The following SSBP3 variants were observed in gnomAD, a reference collection of about 807,000 sequenced individuals.
SSBP3 encodes single stranded DNA binding protein 3.
A neutral mutation model predicts 69.6 loss-of-function variants in SSBP3; 5 were observed. That is an observed-to-expected ratio of 0.07 (90% CI 0.04 to 0.15). The LOEUF (loss-of-function observed/expected upper bound fraction) is 0.15. Among genes scored for constraint, SSBP3 ranks in the 10% least tolerant of loss-of-function variants. SSBP3 has a pLI of 1.00. For missense variants in SSBP3, 312 were observed against 534.0 expected, an observed-to-expected ratio of 0.58 and a Z score of 4.10; for synonymous variants, 196 against 193.4, an observed-to-expected ratio of 1.01 and a Z score of -0.11.
At chr1:54,348,411 C>G (rs902248024) in intron 4 of SSBP3, among the ~76,000 whole-genome samples, 14 of 152,256 alleles carry the variant, frequency 9.2e-5, no homozygotes, top group African/African-American at 3.4e-4. Flanking sequence ...CAGTCACATG[C>G]TTCTAACTTT....
intron 4 of SSBP3, among the ~76,000 whole-genome samples, chr1:54,373,748 C>T (rs1378261459): frequency 6.8e-6 from 1 of 146,662 alleles, no homozygotes; most frequent in Non-Finnish European, 1.5e-5. Flanking sequence ...GCCTGGGTGA[C>T]AGAGTAAGAC....
chr1:54,413,329 A>G (rs1650039511), intron 1 of SSBP3: 1 of 152,206 alleles, frequency 6.6e-6, no homozygotes, highest in South Asian at 2.1e-4. Context: ...AGTGGCTTAT[A>G]ATAAAAGCCA....
chr1:54,370,010 T>G (rs1391995612), intron 4 of SSBP3, among the ~76,000 whole-genome samples: 1 of 152,138 alleles, frequency 6.6e-6, no homozygotes, highest in Admixed American at 6.5e-5. Context: ...AAGAGAAGTT[T>G]TCCTCCTCTA....
intron 4 of SSBP3, among the ~76,000 whole-genome samples, chr1:54,338,254 G>A (rs1478057163): frequency 3.9e-5 from 6 of 152,304 alleles, no homozygotes; most frequent in Admixed American, 2.0e-4. Flanking sequence ...ACGGCAGGGC[G>A]GGCTGATATG....
At chr1:54,363,808 C>T (rs1293308407) in intron 4 of SSBP3, among the ~76,000 whole-genome samples, 1 of 152,184 alleles carries the variant, frequency 6.6e-6, no homozygotes. Context: ...TTTCCTTAAT[C>T]GGACTTAAAA....
intron 4 of SSBP3, among the ~76,000 whole-genome samples, chr1:54,316,703 AATAAATAAAATAAAAT>A: frequency 9.0e-6 from 1 of 111,016 alleles, no homozygotes; most frequent in African/African-American, 4.0e-5. Context: ...TAAATAAATA[AATAAATAAAATAAAAT>A]AAAATAAAAT....
intron 1 of SSBP3, 22 bp downstream of exon 1, chr1:54,405,919 GCGGCGCGGCCGC>G (rs1385966084): frequency 6.0e-5 from 70 of 1,165,478 alleles, no homozygotes; most frequent in Non-Finnish European, 7.2e-5. Context: ...CAGCCCGGCG[GCGGCGCGGCCGC>G]CACTTGCAAA....
rs768979470 is a variant in SSBP3 at position 54,404,945 on chromosome 1, G to C, written c.57-15C>G. On this transcript the variant is annotated splice_polypyrimidine_tract_variant and intron_variant, in intron 1 of 17. Transcript: ENST00000610401. ...ATAAAGCTAACCTGGAAAGTGGACA[G>C]GGGGCAAAGAGAGAGAGGGAAAGGC... 3 of 1,610,394 alleles carry C rather than the reference G, an allele frequency of 1.9e-6. No individual in the cohort carries two copies. The highest frequency in any genetic ancestry group is 3.3e-5 in the Admixed American group (2 of 59,904).
In SSBP3 at chr1:54,295,401, T is replaced by C. The variant is rs148860322; in HGVS notation, c.277-13874A>G. 1.4e-4 allele frequency among the ~76,000 whole-genome samples: 21 copies of C among 152,264 alleles called. No individual in the cohort carries two copies. The East Asian group carries it at 4.1e-3, about 29-fold the overall frequency. On this transcript the variant is annotated intron_variant, in intron 4 of 17. Transcript: ENST00000610401. ...TTCCTAGTCCAAGTGGGTACTAAAG[T>C]CCCAAGTAGGTTCATGAGCTGGAAC...
intron 14 of SSBP3, chr1:54,236,738 G>A (rs745796509): frequency 1.3e-5 from 2 of 152,280 alleles, no homozygotes; most frequent in East Asian, 1.9e-4. Flanking sequence ...TTGTGGAAAC[G>A]TGTCTGAGGC....
upstream of SSBP3, among the ~76,000 whole-genome samples, chr1:54,407,891 A>G (rs1253532307): frequency 6.6e-6 from 1 of 152,022 alleles, no homozygotes; most frequent in East Asian, 1.9e-4. Context: ...AGGAAAACTC[A>G]GAACTAGATT....
chr1:54,292,517 A>G (rs1645626335), intron 4 of SSBP3, among the ~76,000 whole-genome samples: 1 of 151,944 alleles, frequency 6.6e-6, no homozygotes, highest in Non-Finnish European at 1.5e-5. Flanking sequence ...CAGTTCCCCC[A>G]AGAACACTCC....
chr1:54,250,815 C>T (rs1236101577), intron 9 of SSBP3, among the ~76,000 whole-genome samples: 3 of 152,214 alleles, frequency 2.0e-5, no homozygotes, highest in Non-Finnish European at 4.4e-5. Context: ...ACCCAGAGGG[C>T]TGGGGGTAAG....
At chr1:54,237,092 A>C (rs1644507687) in intron 14 of SSBP3, 1 of 152,224 alleles carries the variant, frequency 6.6e-6, no homozygotes, top group Non-Finnish European at 1.5e-5. Flanking sequence ...GAAATCGAGA[A>C]GACGATCTGA....
chr1:54,396,193 G>GAAAAAAAAAAAAAAAAAAAAAAAAAAAAA (rs59276509), intron 4 of SSBP3, among the ~76,000 whole-genome samples: 5 of 40,580 alleles, frequency 1.2e-4, no homozygotes, highest in Non-Finnish European at 1.9e-4. Context: ...CTCCATCTCA[G>GAAAAAAAAAAAAAAAAAAAAAAAAAAAAA]AAAAAAAAAA....
chr1:54,341,920 G>C (rs1646615232), intron 4 of SSBP3, among the ~76,000 whole-genome samples: 1 of 152,194 alleles, frequency 6.6e-6, no homozygotes, highest in Admixed American at 6.5e-5. Flanking sequence ...CCAGTACCTG[G>C]CACTTCTGAG....
chr1:54,239,841 C>T (rs1413942883), intron 13 of SSBP3, among the ~76,000 whole-genome samples: 2 of 152,040 alleles, frequency 1.3e-5, no homozygotes, highest in Admixed American at 6.5e-5. Flanking sequence ...GAGGAGGGGG[C>T]GGGGGAGAGT....
intron 10 of SSBP3, chr1:54,242,926 G>A: frequency 3.5e-6 from 1 of 284,020 alleles, no homozygotes; most frequent in East Asian, 6.8e-5. Flanking sequence ...CTCCAGCCTG[G>A]ACAACAGAAT....
At chr1:54,370,350 C>T (rs1002921051) in intron 4 of SSBP3, among the ~76,000 whole-genome samples, 2 of 152,208 alleles carry the variant, frequency 1.3e-5, no homozygotes, top group Non-Finnish European at 2.9e-5. Flanking sequence ...CATGGCGATG[C>T]TATTCGATTG....
Sources: allele counts gnomAD v4.1 joint callset (sites outside exome capture counted in the v4.1 genomes callset), GRCh38; gene constraint gnomAD v4.1.1; transcripts MANE v1.5; gene names NCBI Gene and HGNC (gene_info 2026-07-23, HGNC 2026-07-21).